Variants in FRS2 observed in about 807,000 individuals in gnomAD.
FRS2 encodes the protein FGFR signalling adaptor.
In FRS2, 8 loss-of-function variants were observed where a neutral mutation model predicts 43.9. The ratio of observed to expected loss-of-function variants is 0.18; its 90% CI spans 0.11 to 0.33. The LOEUF (loss-of-function observed/expected upper bound fraction) is 0.33. FRS2 is among the 10% of genes least tolerant of loss of function. FRS2 has a pLI of 1.00. For synonymous variants in FRS2, 219 were observed against 220.3 expected (o/e 0.99, Z 0.05); for missense variants, 534 against 627.6 (o/e 0.85, Z 1.59).
chr12:69,558,209 G>C (rs525808), intron 3 of FRS2, among the ~76,000 whole-genome samples: 14,175 of 152,166 alleles, frequency 0.093, 872 homozygotes, highest in Non-Finnish European at 0.14. Context: ...TGCTGTCGGG[G>C]GAATGTTTAT....
chr12:69,530,691 C>T (rs139560615), intron 1 of FRS2, among the ~76,000 whole-genome samples, 174 bp from the exon 2 acceptor site: 94 of 152,026 alleles, frequency 6.2e-4, no homozygotes, highest in African/African-American at 2.2e-3. Flanking sequence ...TGCAGTGAGG[C>T]GTGATGGTGC....
intron 3 of FRS2, among the ~76,000 whole-genome samples, chr12:69,553,475 T>C (rs1879080646): frequency 6.6e-6 from 1 of 152,242 alleles, no homozygotes; most frequent in Admixed American, 6.5e-5. Flanking sequence ...ACTAGCACTT[T>C]CTTTAAGGGA....
chr12:69,520,931 A>T (rs890249387), intron 1 of FRS2, among the ~76,000 whole-genome samples: 24 of 152,024 alleles, frequency 1.6e-4, no homozygotes, highest in African/African-American at 5.6e-4. Context: ...CGTATAAATT[A>T]AAAAATTTTT....
intron 1 of FRS2, among the ~76,000 whole-genome samples, chr12:69,485,821 A>T (rs531325462): frequency 1.3e-5 from 2 of 151,976 alleles, no homozygotes; most frequent in African/African-American, 4.8e-5. Flanking sequence ...ACTTAAGTGC[A>T]TTTTTTTTCA....
chr12:69,539,581 G>T (rs1380443825), intron 3 of FRS2, among the ~76,000 whole-genome samples: 2 of 151,992 alleles, frequency 1.3e-5, no homozygotes, highest in African/African-American at 4.8e-5. Context: ...GTGTCATGTT[G>T]GTGCTCAAAA....
intron 1 of FRS2, among the ~76,000 whole-genome samples, chr12:69,530,460 T>C (rs1354851916): frequency 2.0e-5 from 3 of 152,138 alleles, no homozygotes; most frequent in Non-Finnish European, 2.9e-5. Flanking sequence ...GCTTTGAGGC[T>C]GGGCATGGTG....
intron 3 of FRS2, among the ~76,000 whole-genome samples, chr12:69,540,020 G>T (rs181159100): frequency 9.8e-4 from 148 of 151,602 alleles, no homozygotes; most frequent in African/African-American, 3.4e-3. Context: ...TTGGGAGGCC[G>T]AGGCGGGTGG....
intron 1 of FRS2, among the ~76,000 whole-genome samples, chr12:69,485,134 C>CACACAGACACACACAT (rs1194988609): frequency 7.4e-6 from 1 of 134,272 alleles, no homozygotes; most frequent in Non-Finnish European, 1.6e-5. Context: ...CACACACACA[C>CACACAGACACACACAT]ACTCTCACCC....
At chr12:69,515,744 T>C (rs1282638693) in intron 1 of FRS2, among the ~76,000 whole-genome samples, 1 of 151,938 alleles carries the variant, frequency 6.6e-6, no homozygotes, top group Non-Finnish European at 1.5e-5. Context: ...ATTTTCCCTT[T>C]CTGTATCAGG....
rs768752442 is a variant in FRS2 at position 69,572,136 on chromosome 12, A to G, written c.431A>G (p.Gln144Arg). ...RTPTTPGFAA[Q>R]NLPNGYPRYP... Reference sequence around the variant, plus strand: ...AACTCAGCTCCAGGATTTGCTGCTCAGAACTTACCTAATGGATATCCCCGA... The same window carrying G: ...AACTCAGCTCCAGGATTTGCTGCTCGGAACTTACCTAATGGATATCCCCGA... Residue 144 changes from glutamine to arginine, a missense_variant, in exon 8 of 9, where the codon CAG becomes CGG. By Grantham distance (43) the Gln-to-Arg change is conservative. Coordinates refer to ENST00000549921, the MANE Select transcript of FRS2 (RefSeq NM_001278356.2). 1 of 1,613,502 alleles carries G rather than the reference A, an allele frequency of 6.2e-7. No homozygotes were observed. Among genetic ancestry groups the G allele is most frequent in the Admixed American group, 1.7e-5 (1 of 59,942 alleles).
intron 1 of FRS2, among the ~76,000 whole-genome samples, chr12:69,511,193 C>T (rs570901855): frequency 2.0e-4 from 31 of 152,260 alleles, no homozygotes; most frequent in African/African-American, 7.5e-4. Flanking sequence ...TGAGAACCTG[C>T]AGGATTTAAT....
chr12:69,493,448 C>T (rs221099), intron 1 of FRS2, among the ~76,000 whole-genome samples: 14,271 of 152,284 alleles, frequency 0.094, 884 homozygotes, highest in Non-Finnish European at 0.14. Context: ...CTGCCGGGCG[C>T]GATGGCTCAC....
In FRS2 at chr12:69,562,091, T is replaced by A. The variant is rs191433221; in HGVS notation, c.-121-89T>A. On this transcript the variant is annotated intron_variant, in intron 3 of 8. Transcript: ENST00000549921. ...GACTTTTGAGTTTGTTTAAATAGAT[T>A]AACTGAACTAACTGTGCTGCCAGAA... The A allele has an allele frequency of 2.8e-5, 11 of 394,176 alleles. No homozygotes were observed. The Admixed American group carries it at 4.4e-4, about 16-fold the overall frequency. 24.4% of individuals were successfully genotyped at this position (394,176 alleles called of 1,614,324 possible).
At position 69,576,779 on chromosome 12, in the gene FRS2, T is replaced by G. The variant is rs1445717759; in HGVS notation, c.*1824T>G. On this transcript the variant is annotated 3_prime_UTR_variant, in exon 9 of 9. Transcript: ENST00000549921. ...AGTGTATTTTATCATTCTATGTGCA[T>G]AGCAGAATTTTCTTTTCTCCCTTTT... 1 of 152,642 alleles carries G rather than the reference T, an allele frequency of 6.6e-6. No homozygotes were observed. Among genetic ancestry groups the G allele is most frequent in the Non-Finnish European group, 1.5e-5 (1 of 68,044 alleles). The allele number at this position is 152,642 out of a possible 1,614,324, so 9.5% of individuals were successfully genotyped here.
intron 1 of FRS2, among the ~76,000 whole-genome samples, chr12:69,474,045 G>A (rs891565727): frequency 6.6e-6 from 1 of 152,134 alleles, no homozygotes; most frequent in Non-Finnish European, 1.5e-5. Context: ...GTTTCACCAT[G>A]TTGACCAGGA....
Position 69,574,122 on chromosome 12 carries a change from C to G in FRS2, c.694C>G (p.Pro232Ala). ...TGAAAGCAGCACACCAAAAGAAGAA[C>G]CAAGTAGTATTGAGGACAGGGATCC... ...NAESSTPKEE[P>A]SSIEDRDPQI... Residue 232 changes from proline (P) to alanine (A), a missense_variant, in exon 9 of 9, where the codon CCA becomes GCA. Physicochemically the swap from Pro to Ala is conservative, Grantham distance 27. Around this residue, in one of 3 missense-constraint regions of FRS2, gnomAD observed 446 missense variants for 494.2 expected, o/e 0.90. Coordinates refer to ENST00000549921, the MANE Select transcript of FRS2 (RefSeq NM_001278356.2). The G allele has an allele frequency of 6.2e-7, 1 of 1,613,978 alleles. No homozygotes were observed.
At chr12:69,538,961 G>A (rs188839066) in intron 3 of FRS2, among the ~76,000 whole-genome samples, 9 of 151,862 alleles carry the variant, frequency 5.9e-5, no homozygotes, top group African/African-American at 1.9e-4. Flanking sequence ...ATGACACCCC[G>A]GTAGCAAGAG....
In FRS2 at chr12:69,557,619, T is replaced by TGTGTGTGTGCGC. The variant is rs1555192498; in HGVS notation, c.-121-4560_-121-4559insTGTGTGTGCGCG. On this transcript the variant is annotated intron_variant, in intron 3 of 8. Transcript: ENST00000549921. ...TTGTGTGTGTGTGTGTGTGTGTGTGTGCGCGCGCGCGCGCGCGCAGGTGCA... is the reference window on the plus strand; with the variant it reads ...TTGTGTGTGTGTGTGTGTGTGTGTGTGTGTGTGTGCGCGCGCGCGCGCGCGCGCGCAGGTGCA... Among the ~76,000 whole-genome samples the TGTGTGTGTGCGC allele has an allele frequency of 3.0e-3, 362 of 118,996 alleles. 3 individuals carry two copies. Among genetic ancestry groups the TGTGTGTGTGCGC allele is most frequent in the African/African-American group, 8.3e-3 (292 of 35,148 alleles). The allele number at this position is 118,996 out of a possible 152,430, so 78.1% of individuals were successfully genotyped here.
At chr12:69,475,161 T>TTA (rs1211613782) in intron 1 of FRS2, among the ~76,000 whole-genome samples, 2 of 152,216 alleles carry the variant, frequency 1.3e-5, no homozygotes, top group Non-Finnish European at 2.9e-5. Flanking sequence ...GTGTAAAAGA[T>TTA]TATAATAGTT....
Sources: allele counts gnomAD v4.1 joint callset (sites outside exome capture counted in the v4.1 genomes callset), GRCh38; gene constraint gnomAD v4.1.1; regional missense constraint gnomAD v4.1.1; transcripts MANE v1.5; gene names NCBI Gene and HGNC (gene_info 2026-07-23, HGNC 2026-07-21).